PALS2: variants seen among roughly 807,000 people sequenced by gnomAD.
The protein encoded by PALS2 is protein associated with LIN7 2, MAGUK p55 family member, also known as protein PALS2.
PALS2 carries 27 observed loss-of-function variants against 61.6 expected under a neutral mutation model. The ratio of observed to expected loss-of-function variants is 0.44; its 90% CI spans 0.32 to 0.60. The LOEUF is 0.60. PALS2 is among the 20% of genes least tolerant of loss of function. The probability of loss-of-function intolerance (pLI) is 0.05; values close to 1 mark genes in which losing one functional copy is unlikely to be tolerated. For synonymous variants in PALS2, 236 were observed against 218.6 expected (o/e 1.08, Z -0.70); for missense variants, 554 against 639.4 (o/e 0.87, Z 1.44).
At chr7:24,643,382 A>G (rs1157498128) in intron 3 of PALS2, among the ~76,000 whole-genome samples, 39 of 152,316 alleles carry the variant, frequency 2.6e-4, no homozygotes, top group Non-Finnish European at 1.2e-4. Context: ...TCTTCTACCC[A>G]GATCACTATT....
intron 5 of PALS2, among the ~76,000 whole-genome samples, chr7:24,658,082 C>T (rs1786517981): frequency 6.6e-6 from 1 of 152,028 alleles, no homozygotes; most frequent in Non-Finnish European, 1.5e-5. Flanking sequence ...TGAAGTTGTC[C>T]CATGGGTCAC....
intron 1 of PALS2, among the ~76,000 whole-genome samples, chr7:24,577,217 T>C (rs552044688): frequency 2.6e-5 from 4 of 152,004 alleles, no homozygotes; most frequent in Admixed American, 1.3e-4. Flanking sequence ...TTATTTTCCT[T>C]CTTTCCTTTA....
intron 1 of PALS2, among the ~76,000 whole-genome samples, chr7:24,614,026 T>C (rs59883931): frequency 0.063 from 9,594 of 152,022 alleles, 353 homozygotes; most frequent in African/African-American, 0.093. Flanking sequence ...ATGACTATTA[T>C]GAATAGTGCT....
intron 1 of PALS2, among the ~76,000 whole-genome samples, chr7:24,585,821 CCCA>C (rs1783043734): frequency 6.6e-6 from 1 of 152,200 alleles, no homozygotes; most frequent in Non-Finnish European, 1.5e-5. Flanking sequence ...GCCTCAGCCT[CCCA>C]AGTAGCTGGG....
chr7:24,683,379 T>C (rs1788032160), intron 11 of PALS2, among the ~76,000 whole-genome samples: 1 of 152,148 alleles, frequency 6.6e-6, no homozygotes, highest in Non-Finnish European at 1.5e-5. Flanking sequence ...CCAGCTGAGA[T>C]TGGCTTTGTT....
rs749237062 is a variant in PALS2, at chr7:24,683,522, C to CT, written c.1446+3014dup. 5.9e-3 allele frequency among the ~76,000 whole-genome samples: 844 copies of CT among 143,870 alleles called. 3 individuals carry two copies. Among genetic ancestry groups the CT allele is most frequent in the Admixed American group, 8.5e-3 (122 of 14,350 alleles). The allele number at this position is 143,870 out of a possible 152,430, so 94.4% of individuals were successfully genotyped here. On this transcript the variant is annotated intron_variant, in intron 11 of 11. Coordinates refer to ENST00000222644, the MANE Select transcript of PALS2 (RefSeq NM_001303037.2). ...GCTTATTCTAGTTGGCCCTTGAGACCTTTTTTTTTTTTCATGACGCTGATA... is the reference window on the plus strand; with the variant it reads ...GCTTATTCTAGTTGGCCCTTGAGACCTTTTTTTTTTTTTCATGACGCTGATA...
chr7:24,629,925 C>T (rs572301711), intron 2 of PALS2, among the ~76,000 whole-genome samples: 4 of 152,176 alleles, frequency 2.6e-5, no homozygotes, highest in Non-Finnish European at 4.4e-5. Flanking sequence ...TGTGGCAATT[C>T]CTCAAGGATC....
chr7:24,680,634 C>A, intron 11 of PALS2, 114 bp downstream of exon 11: 2 of 1,326,912 alleles, frequency 1.5e-6, no homozygotes, highest in Non-Finnish European at 2.0e-6. Flanking sequence ...TTTGCTTTGT[C>A]ACCCAGGCTG....
Position 24,623,791 on chromosome 7 carries a change from A to C in PALS2, c.117+7A>C. The C allele has an allele frequency of 2.0e-6, 3 of 1,482,708 alleles. No individual in the cohort carries two copies. Among genetic ancestry groups the C allele is most frequent in the Non-Finnish European group, 2.8e-6 (3 of 1,083,396 alleles). The allele number at this position is 1,482,708 out of a possible 1,614,324, so 91.8% of individuals were successfully genotyped here. ...TGTAAAATCACTTGCTAAGGTATAT[A>C]GATTTATTCATAAGATTACTGAATT... On this transcript the variant is annotated splice_region_variant and intron_variant, in intron 2 of 11. Transcript: ENST00000222644.
intron 2 of PALS2, among the ~76,000 whole-genome samples, chr7:24,626,689 C>A (rs572330854): frequency 6.6e-6 from 1 of 151,736 alleles, no homozygotes. Flanking sequence ...GCAGATTTAC[C>A]ATACAAATGT....
chr7:24,590,468 G>A (rs891448283), intron 1 of PALS2, among the ~76,000 whole-genome samples: 5 of 152,090 alleles, frequency 3.3e-5, no homozygotes, highest in African/African-American at 1.2e-4. Context: ...GGGGTGTTCT[G>A]AACTAGGCAG....
chr7:24,650,667 C>T lies in PALS2; in HGVS notation c.606C>T (p.Thr202=). Reference sequence around the variant, plus strand: ...TGAAAAATATTAGTGGAAGTGTCACCCTAAAAATCTTACCAAGTTATAGAG... The same window carrying T: ...TGAAAAATATTAGTGGAAGTGTCACTCTAAAAATCTTACCAAGTTATAGAG... ...ELLKNISGSV[T]LKILPSYRDT... Residue 202 remains threonine, a synonymous_variant, in exon 5 of 12, where the codon ACC becomes ACT. Coordinates refer to ENST00000222644, the MANE Select transcript of PALS2 (RefSeq NM_001303037.2). 6.2e-7 allele frequency: 1 copy of T among 1,610,126 alleles called. No homozygotes were observed. The highest frequency in any genetic ancestry group is 8.5e-7 in the Non-Finnish European group (1 of 1,176,984).
At chr7:24,661,426 A>T (rs2128085315) in intron 5 of PALS2, among the ~76,000 whole-genome samples, 1 of 152,256 alleles carries the variant, frequency 6.6e-6, no homozygotes, top group East Asian at 1.9e-4. Flanking sequence ...AATTTGACAG[A>T]TGTTGGAGGA....
intron 9 of PALS2, among the ~76,000 whole-genome samples, chr7:24,671,627 A>C (rs1250010567): frequency 6.6e-6 from 1 of 152,168 alleles, no homozygotes; most frequent in African/African-American, 2.4e-5. Context: ...CAAGGCCACA[A>C]AATTTTACTC....
intron 1 of PALS2, among the ~76,000 whole-genome samples, chr7:24,581,247 G>A (rs1258241260): frequency 1.3e-4 from 1 of 7,824 alleles, no homozygotes; most frequent in Non-Finnish European, 1.9e-4. Context: ...TTCCCCACGT[G>A]TGTGTGTGTG....
chr7:24,604,908 C>T (rs999513967), intron 1 of PALS2, among the ~76,000 whole-genome samples: 6 of 152,174 alleles, frequency 3.9e-5, no homozygotes, highest in Non-Finnish European at 8.8e-5. Flanking sequence ...AGCTGGGGCC[C>T]TGGGGAGGTA....
intron 1 of PALS2, among the ~76,000 whole-genome samples, chr7:24,622,748 A>G (rs1039253547): frequency 2.0e-5 from 3 of 150,038 alleles, no homozygotes; most frequent in Admixed American, 6.6e-5. Flanking sequence ...TAAAAATGCC[A>G]AAAGTGTACA....
intron 1 of PALS2, among the ~76,000 whole-genome samples, chr7:24,600,711 T>TA (rs1292091787): frequency 6.6e-6 from 1 of 152,202 alleles, no homozygotes; most frequent in African/African-American, 2.4e-5. Flanking sequence ...TTTTACATCT[T>TA]ACGTTTTAGT....
At chr7:24,682,926 CA>C (rs1228250239) in intron 11 of PALS2, among the ~76,000 whole-genome samples, 4 of 152,150 alleles carry the variant, frequency 2.6e-5, no homozygotes, top group African/African-American at 9.7e-5. Context: ...AGAGGTTGGT[CA>C]GACACAGATT....
Sources: gnomAD v4.1 joint callset for allele counts (sites outside exome capture counted in the v4.1 genomes callset) on GRCh38, gnomAD v4.1.1 for gene constraint, MANE v1.5 for transcripts, NCBI Gene and HGNC (gene_info 2026-07-23, HGNC 2026-07-21) for gene names.